TMEM108: variants seen among roughly 807,000 people sequenced by gnomAD.
TMEM108 encodes cancer/testis antigen 124.
In TMEM108, 12 loss-of-function variants were observed where a neutral mutation model predicts 35.1. The observed-to-expected ratio is 0.34, with a 90% CI of 0.22 to 0.55. The LOEUF is 0.55. TMEM108 is among the 20% of genes least tolerant of loss of function. The pLI is 0.89. For synonymous variants in TMEM108, 287 were observed against 308.6 expected, an observed-to-expected ratio of 0.93 and a Z score of 0.73; for missense variants, 680 against 753.3, an observed-to-expected ratio of 0.90 and a Z score of 1.14.
chr3:133,101,808 C>T (rs1944091410), intron 2 of TMEM108, among the ~76,000 whole-genome samples: 1 of 152,142 alleles, frequency 6.6e-6, no homozygotes, highest in Admixed American at 6.5e-5. Context: ...CATTGGAATC[C>T]CATGTCATTT....
chr3:133,171,184 C>A (rs1331126863), intron 2 of TMEM108, among the ~76,000 whole-genome samples: 2 of 151,926 alleles, frequency 1.3e-5, no homozygotes, highest in Non-Finnish European at 2.9e-5. Flanking sequence ...GTTTGTCTAC[C>A]CATACTAGGT....
intron 2 of TMEM108, among the ~76,000 whole-genome samples, chr3:133,113,023 A>G (rs1194697833): frequency 6.6e-6 from 1 of 152,226 alleles, no homozygotes. Context: ...GAAAGACTTC[A>G]AGAAGTATGT....
intron 2 of TMEM108, among the ~76,000 whole-genome samples, chr3:133,047,314 A>G (rs936155581): frequency 2.0e-5 from 3 of 152,196 alleles, no homozygotes; most frequent in Non-Finnish European, 4.4e-5. Flanking sequence ...TTAAAAGTAT[A>G]TCCTGTATAT....
chr3:133,120,278 T>C (rs1021355841), intron 2 of TMEM108, among the ~76,000 whole-genome samples: 2 of 152,208 alleles, frequency 1.3e-5, no homozygotes, highest in Non-Finnish European at 1.5e-5. Context: ...TGCAAGAAGA[T>C]TGTATTGAAA....
intron 2 of TMEM108, among the ~76,000 whole-genome samples, chr3:133,070,125 G>A (rs1467920683): frequency 1.3e-5 from 2 of 152,010 alleles, no homozygotes; most frequent in Non-Finnish European, 2.9e-5. Context: ...TGGAAGCACT[G>A]AGTGACATCA....
intron 3 of TMEM108, among the ~76,000 whole-genome samples, chr3:133,347,889 A>G (rs2071869526): frequency 6.6e-6 from 1 of 152,136 alleles, no homozygotes; most frequent in Non-Finnish European, 1.5e-5. Context: ...GAAGGAGCAT[A>G]AAAGAAGATT....
At chr3:133,078,968 C>T (rs143005730) in intron 2 of TMEM108, among the ~76,000 whole-genome samples, 1 of 152,266 alleles carries the variant, frequency 6.6e-6, no homozygotes, top group African/African-American at 2.4e-5. Flanking sequence ...TGCTGCCTTT[C>T]AGAAACTTTC....
chr3:133,060,351 C>A (rs188351936), intron 2 of TMEM108, among the ~76,000 whole-genome samples: 1 of 152,290 alleles, frequency 6.6e-6, no homozygotes, highest in East Asian at 1.9e-4. Context: ...GTAGCTCACA[C>A]GTAGTAGAGC....
intron 2 of TMEM108, among the ~76,000 whole-genome samples, chr3:133,073,510 C>CTCTCTCTCTCTCTCTATATATATA: frequency 5.0e-4 from 22 of 43,884 alleles, no homozygotes; most frequent in African/African-American, 1.3e-3. Context: ...CTCTCTCTCT[C>CTCTCTCTCTCTCTCTATATATATA]TATATATATA....
At chr3:133,162,251 G>T (rs943841555) in intron 2 of TMEM108, among the ~76,000 whole-genome samples, 4 of 151,978 alleles carry the variant, frequency 2.6e-5, no homozygotes, top group Admixed American at 1.3e-4. Context: ...CTATCACAAA[G>T]CTTGTGCATT....
At chr3:133,195,411 C>CT (rs1945562196) in intron 2 of TMEM108, among the ~76,000 whole-genome samples, 1 of 152,140 alleles carries the variant, frequency 6.6e-6, no homozygotes, top group Admixed American at 6.5e-5. Context: ...TCTTGACATC[C>CT]TTTCCACCAT....
chr3:133,150,029 T>C (rs755168447), intron 2 of TMEM108, among the ~76,000 whole-genome samples: 47 of 152,190 alleles, frequency 3.1e-4, no homozygotes, highest in Non-Finnish European at 6.0e-4. Flanking sequence ...CAGGATCATA[T>C]GGCAGCTCTA....
intron 2 of TMEM108, among the ~76,000 whole-genome samples, chr3:133,080,730 G>A (rs886920238): frequency 2.0e-5 from 3 of 152,136 alleles, no homozygotes; most frequent in Non-Finnish European, 2.9e-5. Flanking sequence ...TGATTGTAAA[G>A]TGTATATCTA....
At chr3:133,256,660 T>C (rs1946551049) in intron 3 of TMEM108, among the ~76,000 whole-genome samples, 1 of 152,100 alleles carries the variant, frequency 6.6e-6, no homozygotes, top group Non-Finnish European at 1.5e-5. Flanking sequence ...CTAAAAGACA[T>C]AGAATTCATA....
At position 133,297,000 on chromosome 3, in the gene TMEM108, T is replaced by A. The variant is rs10428212; in HGVS notation, c.40+67649T>A. 9.9e-3 allele frequency among the ~76,000 whole-genome samples: 1,514 copies of A among 152,192 alleles called. 24 individuals are homozygous for A. The highest frequency in any genetic ancestry group is 0.034 in the African/African-American group (1,403 of 41,504). On this transcript the variant is annotated intron_variant, in intron 3 of 5. Coordinates refer to ENST00000321871, the MANE Select transcript of TMEM108 (RefSeq NM_023943.4). ...GTCCCCAGATAACCAGTCAAGACAA[T>A]AGAACAAGGCCCAGGTCTGAGCTTA...
At chr3:133,049,663 G>A (rs376928756) in intron 2 of TMEM108, among the ~76,000 whole-genome samples, 2 of 152,040 alleles carry the variant, frequency 1.3e-5, no homozygotes, top group East Asian at 1.9e-4. Flanking sequence ...AATCAAATCC[G>A]CAGCCTCTGA....
chr3:133,299,959 A>G (rs2107702020), intron 3 of TMEM108, among the ~76,000 whole-genome samples: 1 of 152,330 alleles, frequency 6.6e-6, no homozygotes, highest in East Asian at 1.9e-4. Context: ...TGTCAGAGTA[A>G]GAAGAAATAG....
intron 3 of TMEM108, among the ~76,000 whole-genome samples, chr3:133,320,693 A>G (rs1381417632): frequency 6.6e-6 from 1 of 152,234 alleles, no homozygotes; most frequent in Non-Finnish European, 1.5e-5. Context: ...CAACACAAAA[A>G]GGTCATCACC....
At position 133,380,796 on chromosome 3, in the gene TMEM108, C is replaced by A. The variant is rs540753044; in HGVS notation, c.1085C>A (p.Ala362Asp). Residue 362 changes from alanine (A) to aspartate (D), a missense_variant, in exon 4 of 6, where the codon GCT (alanine) becomes GAT (aspartate). By Grantham distance (126) the Ala-to-Asp change is moderately radical. Transcript: ENST00000321871. This position sits in a 1 kb window ranked among gnomAD's most constrained non-coding sequence, Gnocchi z 5.3. ...ACGGCTGCCACGGGGCCCACCCCAG[C>A]TGCCTTCGATACCAGTGTCTCAGCC... is the stretch of plus-strand genomic sequence containing the variant. The part of the protein sequence containing the change: ...VFTAATGPTP[A>D]AFDTSVSAPS... 6.2e-7 allele frequency: 1 copy of A among 1,614,200 alleles called. No individual in the cohort carries two copies. The highest frequency in any genetic ancestry group is 8.5e-7 in the Non-Finnish European group (1 of 1,180,024).
Sources: gnomAD v4.1 joint callset for allele counts (sites outside exome capture counted in the v4.1 genomes callset) on GRCh38, gnomAD v4.1.1 for gene constraint, Gnocchi (gnomAD v3.1) non-coding constraint, MANE v1.5 for transcripts, NCBI Gene and HGNC (gene_info 2026-07-23, HGNC 2026-07-21) for gene names.